The following TMSB15B variants were observed in gnomAD, a reference collection of about 807,000 sequenced individuals.
The protein encoded by TMSB15B is thymosin beta 15B.
intron 1 of TMSB15B, chrX:103,932,955 A>G (rs2074988326): frequency 8.9e-6 from 1 of 111,999 alleles, no homozygotes; most frequent in South Asian, 3.7e-4. Context: ...ACAAAACACA[A>G]TATATGCATG....
chrX:103,947,993 A>C (rs1481614170), intron 1 of TMSB15B, among the ~76,000 whole-genome samples: 1 of 111,193 alleles, frequency 9.0e-6, no homozygotes, highest in Non-Finnish European at 1.9e-5. Context: ...GAACAATGAG[A>C]ACATTTGGGG....
intron 1 of TMSB15B, among the ~76,000 whole-genome samples, chrX:103,926,819 C>T (rs1225279382): frequency 9.1e-6 from 1 of 109,922 alleles, no homozygotes; most frequent in Non-Finnish European, 1.9e-5. Context: ...CTGTTCCTGC[C>T]AGGCTTCCTG....
intron 1 of TMSB15B, among the ~76,000 whole-genome samples, chrX:103,949,251 C>T (rs2075033266): frequency 8.9e-6 from 1 of 111,732 alleles, no homozygotes; most frequent in African/African-American, 3.3e-5. Flanking sequence ...ACTCTGACTC[C>T]AAGTGGAATA....
At chrX:103,922,760 T>A (rs1450683396) in intron 1 of TMSB15B, among the ~76,000 whole-genome samples, 12 of 111,916 alleles carry the variant, frequency 1.1e-4, no homozygotes, top group African/African-American at 3.9e-4. Flanking sequence ...TTTCTAGTTC[T>A]AGATCCCTGA....
At chrX:103,939,750 A>G (rs2075007708) in intron 1 of TMSB15B, among the ~76,000 whole-genome samples, 1 of 111,128 alleles carries the variant, frequency 9.0e-6, no homozygotes, top group African/African-American at 3.3e-5. Flanking sequence ...TGGTTTTTGG[A>G]CTTTTTAGCC....
At chrX:103,927,678 T>C (rs2147817464) in intron 1 of TMSB15B, among the ~76,000 whole-genome samples, 1 of 109,991 alleles carries the variant, frequency 9.1e-6, no homozygotes, top group African/African-American at 3.3e-5. Context: ...TTTTTTTTTT[T>C]TTGAAACAGA....
chrX:103,928,748 G>C, intron 1 of TMSB15B: 1 of 1,173,046 alleles, frequency 8.5e-7, no homozygotes, highest in East Asian at 3.0e-5. Context: ...TTGGTGTCTG[G>C]TAGTGTCAAT....
chrX:103,949,119 G>C (rs2075032813), intron 1 of TMSB15B, among the ~76,000 whole-genome samples: 1 of 110,899 alleles, frequency 9.0e-6, no homozygotes, highest in Non-Finnish European at 1.9e-5. Flanking sequence ...TATGGCAAGA[G>C]TGAGCCCGGG....
intron 1 of TMSB15B, among the ~76,000 whole-genome samples, chrX:103,949,199 C>T (rs1205981188): frequency 8.9e-6 from 1 of 111,881 alleles, no homozygotes; most frequent in Non-Finnish European, 1.9e-5. Context: ...ATCAGAGATA[C>T]AATGGAGAAC....
At chrX:103,927,992 C>A in intron 1 of TMSB15B, 1 of 465,757 alleles carries the variant, frequency 2.1e-6, no homozygotes, top group Non-Finnish European at 3.5e-6. Flanking sequence ...GGGTTCATTT[C>A]CAATTAAGCA....
intron 1 of TMSB15B, among the ~76,000 whole-genome samples, chrX:103,921,553 G>A (rs147680347): frequency 1.1e-3 from 125 of 112,024 alleles, no homozygotes; most frequent in African/African-American, 4.0e-3. Flanking sequence ...TTTGTGCAGG[G>A]ATGGGGGGAG....
intron 1 of TMSB15B, among the ~76,000 whole-genome samples, chrX:103,943,070 G>A (rs1267016353): frequency 9.0e-6 from 1 of 111,583 alleles, no homozygotes; most frequent in Non-Finnish European, 1.9e-5. Context: ...TAATGGAGAT[G>A]GAGTACAAAT....
chrX:103,936,882 T>G (rs1180742), intron 1 of TMSB15B, among the ~76,000 whole-genome samples: 41,918 of 110,997 alleles, frequency 0.38, 5,781 homozygotes, highest in Admixed American at 0.53. Flanking sequence ...ATCAAAGGCC[T>G]TTTCTGCATC....
chrX:103,938,812 T>C (rs1556322939), intron 1 of TMSB15B, among the ~76,000 whole-genome samples: 1 of 112,302 alleles, frequency 8.9e-6, no homozygotes, highest in African/African-American at 3.2e-5. Flanking sequence ...TTTCTGTATT[T>C]AGTTCTTCCT....
At chrX:103,921,655 A>G (rs2074953263) in intron 1 of TMSB15B, among the ~76,000 whole-genome samples, 1 of 112,297 alleles carries the variant, frequency 8.9e-6, no homozygotes, top group African/African-American at 3.2e-5. Context: ...TAATGAGACC[A>G]CATTTTGTAA....
At chrX:103,953,220 C>T (rs1258948128) in intron 1 of TMSB15B, among the ~76,000 whole-genome samples, 1 of 111,368 alleles carries the variant, frequency 9.0e-6, no homozygotes, top group Non-Finnish European at 1.9e-5. Context: ...TCAGGAGATC[C>T]CGTCATGAGC....
chrX:103,927,129 A>G (rs782649341), intron 1 of TMSB15B, among the ~76,000 whole-genome samples: 6 of 110,994 alleles, frequency 5.4e-5, no homozygotes, highest in Non-Finnish European at 7.6e-5. Flanking sequence ...AAGGAGCAAT[A>G]GTTTGGAGTC....
At chrX:103,938,294 G>C (rs1233108226) in intron 1 of TMSB15B, among the ~76,000 whole-genome samples, 2 of 111,916 alleles carry the variant, frequency 1.8e-5, no homozygotes, top group African/African-American at 6.5e-5. Context: ...TTGTGTGGGA[G>C]TCTAAGTGTC....
rs1448284461 is a variant in TMSB15B, at chrX:103,947,959, T to C, written c.-720-14062T>C. ...CAGGAACAGAAAACCAAACACCGCA[T>C]GTTCTCACCCATAAGTGAGAGTTGA... On this transcript the variant is annotated intron_variant, in intron 1 of 3. Coordinates refer to the TMSB15B transcript ENST00000419165. Among the ~76,000 whole-genome samples the C allele has an allele frequency of 2.7e-5, 3 of 111,333 alleles. No individual in the cohort carries two copies. In the East Asian group the frequency reaches 8.4e-4, roughly 31 times the overall value.
Sources: allele counts gnomAD v4.1 joint callset (sites outside exome capture counted in the v4.1 genomes callset), GRCh38; gene constraint gnomAD v4.1.1; transcripts MANE v1.5; gene names NCBI Gene and HGNC (gene_info 2026-07-23, HGNC 2026-07-21).